Variants in PSMD11 observed in about 807,000 individuals in gnomAD.
PSMD11 encodes the protein 26S proteasome non-ATPase regulatory subunit 11.
Under a neutral mutation model 62.3 loss-of-function variants are expected in PSMD11, and 5 were observed. That is an observed-to-expected ratio of 0.08 (90% CI 0.04 to 0.17). The LOEUF (loss-of-function observed/expected upper bound fraction) is 0.17, where lower values mean the gene tolerates loss of function less well. Ranked by LOEUF, PSMD11 falls within the 10% of genes least tolerant of loss-of-function variation. PSMD11 has a pLI of 1.00. For synonymous variants in PSMD11, 191 were observed against 191.8 expected, an observed-to-expected ratio of 1.00 and a Z score of 0.03; for missense variants, 310 against 512.9, an observed-to-expected ratio of 0.60 and a Z score of 3.82.
At chr17:32,463,661 T>C (rs1376436500) in intron 3 of PSMD11, among the ~76,000 whole-genome samples, 2 of 152,230 alleles carry the variant, frequency 1.3e-5, no homozygotes, top group African/African-American at 4.8e-5. Context: ...CTCCCCTTTA[T>C]TACCTGTGTA....
At chr17:32,472,994 T>C (rs1226856241) in intron 6 of PSMD11, among the ~76,000 whole-genome samples, 1 of 150,842 alleles carries the variant, frequency 6.6e-6, no homozygotes, top group Non-Finnish European at 1.5e-5. Context: ...CAGTCTCTAC[T>C]AAAAATACAA....
At chr17:32,459,048 T>TC (rs1907730732) in intron 3 of PSMD11, among the ~76,000 whole-genome samples, 1 of 146,710 alleles carries the variant, frequency 6.8e-6, no homozygotes, top group African/African-American at 2.5e-5. Flanking sequence ...TGAGCCAAGA[T>TC]CGTGCCACTG....
chr17:32,464,573 A>C lies in PSMD11; in HGVS notation c.443A>C (p.His148Pro), dbSNP rs1211890929. 2 of 1,607,854 alleles carry C rather than the reference A, an allele frequency of 1.2e-6. No individual in the cohort carries two copies. Among genetic ancestry groups the C allele is most frequent in the Admixed American group, 1.7e-5 (1 of 59,468 alleles). Residue 148 changes from histidine to proline, a missense_variant, in exon 5 of 14, where the codon CAT becomes CCT. By Grantham distance (77) the His-to-Pro change is moderately conservative. This residue lies in a region of PSMD11 where 47 missense variants were observed against 59.0 expected (regional missense o/e 0.80). Transcript: ENST00000261712. Reference sequence around the variant, plus strand: ...ACCAAGAGGTACCAGGAAGCATTGCATTTGGGTAAGTAAGCTGGTAATAAG... The same window carrying C: ...ACCAAGAGGTACCAGGAAGCATTGCCTTTGGGTAAGTAAGCTGGTAATAAG... ...FDTKRYQEAL[H>P]LGSQLLRELK...
At chr17:32,476,474 ACACTAATGATTAGCCTTG>A (rs1908324588) in intron 8 of PSMD11, among the ~76,000 whole-genome samples, 1 of 152,186 alleles carries the variant, frequency 6.6e-6, no homozygotes, top group Non-Finnish European at 1.5e-5. Flanking sequence ...GGAGACAAAC[ACACTAATGATTAGCCTTG>A]CACCATGTAG....
intron 1 of PSMD11, chr17:32,445,051 T>C (rs1907290820): frequency 5.5e-6 from 1 of 182,594 alleles, no homozygotes; most frequent in African/African-American, 2.4e-5. Context: ...GCCGTTGTAA[T>C]CAGCACAGCC....
chr17:32,479,460 T>C, intron 10 of PSMD11, 84 bp downstream of exon 10: 1 of 1,549,442 alleles, frequency 6.5e-7, no homozygotes, highest in Non-Finnish European at 8.8e-7. Flanking sequence ...GAATGGGAAC[T>C]CACTTCTAGG....
intron 12 of PSMD11, 92 bp from the exon 13 acceptor site, chr17:32,480,397 A>T: frequency 6.6e-7 from 1 of 1,516,586 alleles, no homozygotes; most frequent in South Asian, 1.1e-5. Flanking sequence ...TCTTTTCTGG[A>T]CACAGTGAGT....
intron 2 of PSMD11, among the ~76,000 whole-genome samples, chr17:32,449,923 T>C (rs1907439292): frequency 6.6e-6 from 1 of 152,232 alleles, no homozygotes; most frequent in Non-Finnish European, 1.5e-5. Flanking sequence ...CAAAAATCAC[T>C]TGGGGATTAC....
At chr17:32,457,208 A>G (rs1207466290) in intron 3 of PSMD11, among the ~76,000 whole-genome samples, 1 of 152,126 alleles carries the variant, frequency 6.6e-6, no homozygotes, top group East Asian at 1.9e-4. Flanking sequence ...TCATTTTATC[A>G]TCAGTGTCAT....
intron 4 of PSMD11, 145 bp downstream of exon 4, chr17:32,464,265 G>A: frequency 1.2e-6 from 1 of 868,966 alleles, no homozygotes; most frequent in Non-Finnish European, 1.8e-6. Context: ...CCCCACTTAT[G>A]ATAATTGCTC....
intron 3 of PSMD11, among the ~76,000 whole-genome samples, chr17:32,460,513 G>A (rs1416935389): frequency 6.6e-6 from 1 of 152,130 alleles, no homozygotes; most frequent in Non-Finnish European, 1.5e-5. Context: ...GGTGGCTCAC[G>A]CCTGTGGTCC....
In PSMD11 at chr17:32,479,371, G is replaced by C; in HGVS notation, c.1033G>C (p.Val345Leu). The C allele has an allele frequency of 6.2e-7, 1 of 1,614,068 alleles. No individual in the cohort carries two copies. The highest frequency in any genetic ancestry group is 2.2e-5 in the East Asian group (1 of 44,880). The change falls in exon 10 of 14, where the codon GTA (valine) becomes CTA (leucine). Residue 345 changes from valine (V) to leucine (L), a missense_variant. By Grantham distance (32) the Val-to-Leu change is conservative. This residue lies in a region of PSMD11 where 135 missense variants were observed against 195.4 expected (regional missense o/e 0.69). Coordinates refer to ENST00000261712, the MANE Select transcript of PSMD11 (RefSeq NM_002815.4). The part of the protein sequence containing the change: ...LIRVIEPFSR[V>L]QIEHISSLIK... ...CCGAGTCATTGAGCCTTTTTCCAGA[G>C]TACAGGTGAGAACCCTCTGGGGACT... is the stretch of plus-strand genomic sequence containing the variant.
intron 2 of PSMD11, among the ~76,000 whole-genome samples, chr17:32,449,880 T>G (rs1907438100): frequency 6.6e-6 from 1 of 152,354 alleles, no homozygotes; most frequent in Admixed American, 6.5e-5. Context: ...CTAAGTATTC[T>G]ACTCAAAAAT....
rs1396256874 is a variant in PSMD11 at position 32,481,762 on chromosome 17, A to T, written c.*1010A>T. 1 of 151,766 alleles carries T rather than the reference A, an allele frequency of 6.6e-6. No homozygotes were observed. Among genetic ancestry groups the T allele is most frequent in the Non-Finnish European group, 1.5e-5 (1 of 67,956 alleles). The allele number at this position is 151,766 out of a possible 1,614,324, so 9.4% of individuals were successfully genotyped here. ...TTTCAGATGGATTTATTCCTTTTTTAAACAATGAACATCGGAAATGAGACT... is the reference window on the plus strand; with the variant it reads ...TTTCAGATGGATTTATTCCTTTTTTTAACAATGAACATCGGAAATGAGACT... On this transcript the variant is annotated 3_prime_UTR_variant, in exon 14 of 14. Coordinates refer to ENST00000261712, the MANE Select transcript of PSMD11 (RefSeq NM_002815.4).
At chr17:32,460,099 G>A (rs959008536) in intron 3 of PSMD11, among the ~76,000 whole-genome samples, 2 of 152,052 alleles carry the variant, frequency 1.3e-5, no homozygotes, top group Admixed American at 1.3e-4. Context: ...TTGGTCTGTG[G>A]CCCACGTTGG....
chr17:32,466,777 G>C (rs915325420), intron 5 of PSMD11, among the ~76,000 whole-genome samples: 3 of 151,998 alleles, frequency 2.0e-5, no homozygotes, highest in African/African-American at 7.3e-5. Flanking sequence ...ATTGTATGAG[G>C]GTTCCAATTT....
rs192408991 is a variant in PSMD11, at chr17:32,483,069, G to A, written c.*2317G>A. On this transcript the variant is annotated 3_prime_UTR_variant, in exon 14 of 14. Transcript: ENST00000261712. The stretch of plus-strand genomic sequence containing the variant: ...TAGCCCTTTTCTCAGTTCCCTTTGC[G>A]GGTCTTGGTCAGATGATGCCCTCTA... 2 of 152,254 alleles carry A rather than the reference G, an allele frequency of 1.3e-5. No homozygotes were observed. The highest frequency in any genetic ancestry group is 2.4e-5 in the African/African-American group (1 of 41,530). 9.4% of individuals were successfully genotyped at this position (152,254 alleles called of 1,614,324 possible). A position where few individuals can be genotyped will look rare whatever the true frequency, so the allele number is the denominator to read the frequency against.
intron 9 of PSMD11, among the ~76,000 whole-genome samples, chr17:32,478,696 C>T (rs1908398807): frequency 6.6e-6 from 1 of 152,170 alleles, no homozygotes; most frequent in Non-Finnish European, 1.5e-5. Context: ...TTCAGCATTT[C>T]CTATTCTTTA....
chr17:32,445,786 A>G (rs1019660252), intron 1 of PSMD11: 1 of 152,230 alleles, frequency 6.6e-6, no homozygotes, highest in East Asian at 1.9e-4. Flanking sequence ...GGACAATGAC[A>G]AGATCTTGAT....
Sources: gnomAD v4.1 joint callset for allele counts (sites outside exome capture counted in the v4.1 genomes callset) on GRCh38, gnomAD v4.1.1 for gene constraint, gnomAD v4.1.1 regional missense constraint, MANE v1.5 for transcripts, NCBI Gene and HGNC (gene_info 2026-07-23, HGNC 2026-07-21) for gene names.